Variants in TOX observed in about 807,000 individuals in gnomAD.
TOX encodes thymocyte selection associated high mobility group box, also known as thymocyte selection-associated high mobility group box protein TOX.
A neutral mutation model predicts 53.7 loss-of-function variants in TOX; 11 were observed. The observed-to-expected ratio is 0.20, with a 90% CI of 0.13 to 0.34. The LOEUF (loss-of-function observed/expected upper bound fraction) is 0.34, where lower values mean the gene tolerates loss of function less well. TOX is among the 10% of genes least tolerant of loss of function. The pLI is 1.00. For missense variants in TOX, 570 were observed against 664.6 expected, an observed-to-expected ratio of 0.86 and a Z score of 1.56; for synonymous variants, 225 against 245.3, an observed-to-expected ratio of 0.92 and a Z score of 0.77.
chr8:58,983,699 C>T (rs1456542817), intron 1 of TOX, among the ~76,000 whole-genome samples: 2 of 152,202 alleles, frequency 1.3e-5, no homozygotes, highest in Admixed American at 1.3e-4. Context: ...TTTATTCTCA[C>T]TCCAGTGTAT....
At chr8:58,973,935 T>C (rs1303477706) in intron 1 of TOX, among the ~76,000 whole-genome samples, 1 of 152,124 alleles carries the variant, frequency 6.6e-6, no homozygotes, top group Admixed American at 6.5e-5. Context: ...GTAGCTGAGA[T>C]GACAGTCATG....
At chr8:58,817,078 A>T (rs750661026) in intron 6 of TOX, among the ~76,000 whole-genome samples, 4 of 152,164 alleles carry the variant, frequency 2.6e-5, no homozygotes, top group Non-Finnish European at 5.9e-5. Context: ...TAGAAAGGAC[A>T]CATCTGACAC....
intron 1 of TOX, among the ~76,000 whole-genome samples, chr8:59,107,933 C>A (rs1315224588): frequency 6.6e-6 from 1 of 152,162 alleles, no homozygotes; most frequent in African/African-American, 2.4e-5. Context: ...GGGTTTCTCT[C>A]GCTCTCTCCT....
intron 1 of TOX, among the ~76,000 whole-genome samples, chr8:59,022,068 C>A (rs1814145986): frequency 6.6e-6 from 1 of 152,098 alleles, no homozygotes; most frequent in Non-Finnish European, 1.5e-5. Flanking sequence ...AAAGTGTCAC[C>A]ATTTTTAATT....
intron 1 of TOX, among the ~76,000 whole-genome samples, chr8:58,979,442 A>G (rs1023836134): frequency 6.6e-6 from 1 of 152,212 alleles, no homozygotes; most frequent in African/African-American, 2.4e-5. Flanking sequence ...AGATATTTCA[A>G]ACCAACAAAT....
chr8:59,000,487 T>C (rs1813670726), intron 1 of TOX, among the ~76,000 whole-genome samples: 1 of 152,210 alleles, frequency 6.6e-6, no homozygotes, highest in Non-Finnish European at 1.5e-5. Flanking sequence ...GACAGATTTA[T>C]AACTGACCCC....
chr8:58,981,122 G>T (rs1315325667), intron 1 of TOX, among the ~76,000 whole-genome samples: 2 of 152,084 alleles, frequency 1.3e-5, no homozygotes, highest in African/African-American at 4.8e-5. Flanking sequence ...CTTCCTGTAG[G>T]CACTGGTAGT....
chr8:58,948,487 G>A (rs978606870), intron 2 of TOX, among the ~76,000 whole-genome samples: 2 of 151,902 alleles, frequency 1.3e-5, no homozygotes, highest in Non-Finnish European at 2.9e-5. Flanking sequence ...CTCTCCTTTG[G>A]CTAAAAAAAT....
intron 1 of TOX, among the ~76,000 whole-genome samples, chr8:58,997,476 G>T (rs73254417): frequency 6.6e-6 from 1 of 152,118 alleles, no homozygotes; most frequent in South Asian, 2.1e-4. Flanking sequence ...AGGCCTCAAG[G>T]CTTCAGAGCC....
intron 3 of TOX, among the ~76,000 whole-genome samples, chr8:58,878,204 GGAA>G (rs2129170623): frequency 7.3e-6 from 1 of 137,894 alleles, no homozygotes; most frequent in African/African-American, 2.8e-5. Flanking sequence ...GGTGGTATTT[GGAA>G]AAAAAAAAAA....
chr8:59,003,577 G>A (rs566568114), intron 1 of TOX, among the ~76,000 whole-genome samples: 29 of 152,282 alleles, frequency 1.9e-4, no homozygotes, highest in African/African-American at 6.5e-4. Context: ...AAAATGTTCG[G>A]ATTTTCGGAT....
At chr8:58,842,565 C>T (rs998067729) in intron 4 of TOX, among the ~76,000 whole-genome samples, 1 of 152,168 alleles carries the variant, frequency 6.6e-6, no homozygotes, top group Non-Finnish European at 1.5e-5. Context: ...GTGTTTGAAA[C>T]ACTGATCATC....
chr8:58,864,720 G>C (rs1342785752), intron 3 of TOX, among the ~76,000 whole-genome samples: 1 of 152,152 alleles, frequency 6.6e-6, no homozygotes. Flanking sequence ...TTTTCTAGAA[G>C]GGAAGAATGA....
At chr8:59,107,297 C>G (rs181837259) in intron 1 of TOX, among the ~76,000 whole-genome samples, 298 of 152,106 alleles carry the variant, frequency 2.0e-3, no homozygotes, top group African/African-American at 6.9e-3. Context: ...CAGATGAACC[C>G]AGAAGGTACT....
intron 4 of TOX, among the ~76,000 whole-genome samples, chr8:58,846,433 A>G (rs1476655036): frequency 1.3e-5 from 2 of 152,068 alleles, no homozygotes; most frequent in African/African-American, 4.8e-5. Flanking sequence ...ATTTGGTTCT[A>G]ACACTGTTTG....
At chr8:58,936,520 G>A (rs1458437226) in intron 3 of TOX, among the ~76,000 whole-genome samples, 5 of 152,152 alleles carry the variant, frequency 3.3e-5, no homozygotes. Context: ...TGAGACCATG[G>A]TAAGCATTCA....
chr8:58,820,646 A>G (rs1331730063), intron 6 of TOX, among the ~76,000 whole-genome samples: 1 of 152,200 alleles, frequency 6.6e-6, no homozygotes, highest in East Asian at 1.9e-4. Flanking sequence ...TCTGCGGGTT[A>G]TATCTGGGTG....
intron 1 of TOX, among the ~76,000 whole-genome samples, chr8:59,022,988 A>C (rs1814163584): frequency 6.6e-6 from 1 of 152,204 alleles, no homozygotes; most frequent in South Asian, 2.1e-4. Context: ...AAATGGCTAG[A>C]AACCAGTTAC....
intron 1 of TOX, among the ~76,000 whole-genome samples, chr8:59,074,391 C>T (rs1804255045): frequency 6.6e-6 from 1 of 152,156 alleles, no homozygotes; most frequent in Admixed American, 6.5e-5. Context: ...CCATTCAATA[C>T]AGGTTCATTC....
Sources: allele counts gnomAD v4.1 joint callset (sites outside exome capture counted in the v4.1 genomes callset), GRCh38; gene constraint gnomAD v4.1.1; transcripts MANE v1.5; gene names NCBI Gene and HGNC (gene_info 2026-07-23, HGNC 2026-07-21).